Variants in AGFG1 observed in about 807,000 individuals in gnomAD.
AGFG1 encodes the protein arf-GAP domain and FG repeat-containing protein 1.
A neutral mutation model predicts 60.6 loss-of-function variants in AGFG1; 10 were observed. The observed-to-expected ratio is 0.16, with a 90% CI of 0.10 to 0.28. The LOEUF (loss-of-function observed/expected upper bound fraction) is 0.28, where lower values mean the gene tolerates loss of function less well. Ranked by LOEUF, AGFG1 falls within the 10% of genes least tolerant of loss-of-function variation. AGFG1 has a pLI of 1.00. For synonymous variants in AGFG1, 247 were observed against 242.9 expected (o/e 1.02, Z -0.16); for missense variants, 537 against 676.5 (o/e 0.79, Z 2.29).
Position 227,559,585 on chromosome 2 carries a change from T to A in AGFG1, c.*5090T>A, listed in dbSNP as rs1436421039. 2 of 152,168 alleles carry A rather than the reference T, an allele frequency of 1.3e-5. No individual in the cohort carries two copies. The highest frequency in any genetic ancestry group is 2.9e-5 in the Non-Finnish European group (2 of 67,998). 9.4% of individuals were successfully genotyped at this position (152,168 alleles called of 1,614,324 possible). On this transcript the variant is annotated 3_prime_UTR_variant, in exon 13 of 13. Coordinates refer to ENST00000310078, the MANE Select transcript of AGFG1 (RefSeq NM_004504.5). ...TGATTTGAGCTTTTATAAAAAAAGA[T>A]AAGTGATCCTAGATAAAATATTTTA... is the stretch of plus-strand genomic sequence containing the variant.
intron 2 of AGFG1, among the ~76,000 whole-genome samples, chr2:227,506,190 T>C (rs535749708): frequency 6.6e-6 from 1 of 152,344 alleles, no homozygotes; most frequent in East Asian, 1.9e-4. Context: ...ATGTAGTGCC[T>C]CTGGATTCTG....
Position 227,523,791 on chromosome 2 carries a change from G to T in AGFG1, c.406G>T (p.Val136Leu). The T allele has an allele frequency of 6.2e-7, 1 of 1,613,254 alleles. No individual in the cohort carries two copies. Among genetic ancestry groups the T allele is most frequent in the Non-Finnish European group, 8.5e-7 (1 of 1,179,522 alleles). ...WYVPPEQAKV[V>L]ASVHASISGS... The stretch of plus-strand genomic sequence containing the variant: ...TGTCCCGCCAGAACAAGCCAAAGTC[G>T]TGGCATCAGTTCATGCATCTATTTC... The change falls in exon 4 of 13, where the codon GTG becomes TTG. Residue 136 changes from valine to leucine, a missense_variant. Val to Leu is a conservative substitution (Grantham distance 32, BLOSUM62 1). Coordinates refer to ENST00000310078, the MANE Select transcript of AGFG1 (RefSeq NM_004504.5).
chr2:227,533,424 C>A, intron 6 of AGFG1, 125 bp from the exon 7 acceptor site: 2 of 855,614 alleles, frequency 2.3e-6, no homozygotes, highest in Non-Finnish European at 3.6e-6. Flanking sequence ...CATTGCCAGT[C>A]ATTGATTTTA....
intron 1 of AGFG1, among the ~76,000 whole-genome samples, chr2:227,491,013 G>A (rs1477733770): frequency 2.0e-5 from 3 of 152,094 alleles, no homozygotes; most frequent in Middle Eastern, 3.4e-3. Context: ...ATTCTTACTT[G>A]AATTGATGGC....
chr2:227,489,576 G>T (rs936431063), intron 1 of AGFG1, among the ~76,000 whole-genome samples: 10 of 152,026 alleles, frequency 6.6e-5, no homozygotes, highest in African/African-American at 2.4e-4. Context: ...TTCTTGTTCA[G>T]CCTTTATTTC....
intron 10 of AGFG1, among the ~76,000 whole-genome samples, chr2:227,540,561 T>C (rs2106230334): frequency 6.6e-6 from 1 of 152,358 alleles, no homozygotes; most frequent in East Asian, 1.9e-4. Flanking sequence ...TTCCATGGTG[T>C]ATATGTACCA....
intron 2 of AGFG1, among the ~76,000 whole-genome samples, chr2:227,496,245 T>C (rs1690971895): frequency 6.6e-6 from 1 of 151,972 alleles, no homozygotes; most frequent in South Asian, 2.1e-4. Context: ...CAAAACAAAA[T>C]GATTGCTTTG....
intron 10 of AGFG1, among the ~76,000 whole-genome samples, chr2:227,538,890 G>A (rs1351858024): frequency 6.6e-6 from 1 of 152,024 alleles, no homozygotes; most frequent in Non-Finnish European, 1.5e-5. Flanking sequence ...AAATTTATTA[G>A]AAAGGTAAAA....
chr2:227,519,404 T>C (rs1691763152), intron 2 of AGFG1, among the ~76,000 whole-genome samples: 1 of 152,212 alleles, frequency 6.6e-6, no homozygotes, highest in Non-Finnish European at 1.5e-5. Context: ...TTCATTTCTC[T>C]TTTGGTTTTT....
intron 1 of AGFG1, among the ~76,000 whole-genome samples, chr2:227,477,193 G>A (rs770547108): frequency 2.0e-5 from 3 of 152,076 alleles, no homozygotes; most frequent in Non-Finnish European, 4.4e-5. Flanking sequence ...GAGCCACCTC[G>A]CCTGGCCTAG....
At chr2:227,545,688 T>A (rs569237495) in intron 10 of AGFG1, among the ~76,000 whole-genome samples, 1 of 152,350 alleles carries the variant, frequency 6.6e-6, no homozygotes, top group South Asian at 2.1e-4. Flanking sequence ...TACTCCTTTC[T>A]TTTTGTTACT....
At chr2:227,489,915 A>C (rs577475955) in intron 1 of AGFG1, among the ~76,000 whole-genome samples, 2 of 152,006 alleles carry the variant, frequency 1.3e-5, no homozygotes, top group African/African-American at 4.8e-5. Context: ...TCCTGGGTTC[A>C]AGCAATTTTC....
Position 227,552,011 on chromosome 2 carries a change from T to G in AGFG1, c.1431T>G (p.Pro477=), listed in dbSNP as rs769831153. 3 of 1,614,072 alleles carry G rather than the reference T, an allele frequency of 1.9e-6. No individual in the cohort carries two copies. The highest frequency in any genetic ancestry group is 2.5e-6 in the Non-Finnish European group (3 of 1,180,030). Reference sequence around the variant, plus strand: ...GCATGCCCACAGGATTCGGCACTCCTGCTCCCTACAGTCTTCCCACCAGCT... The same window carrying G: ...GCATGCCCACAGGATTCGGCACTCCGGCTCCCTACAGTCTTCCCACCAGCT... ...SMSMPTGFGT[P]APYSLPTSFS... Residue 477 remains proline, a synonymous_variant, in exon 11 of 13, where the codon CCT becomes CCG. Coordinates refer to ENST00000310078, the MANE Select transcript of AGFG1 (RefSeq NM_004504.5).
chr2:227,550,035 G>A, intron 10 of AGFG1: 1 of 436,240 alleles, frequency 2.3e-6, no homozygotes, highest in Admixed American at 2.8e-5. Context: ...AATTGACGTT[G>A]GTCTCTTTAT....
At chr2:227,515,839 A>C (rs1450653937) in intron 2 of AGFG1, among the ~76,000 whole-genome samples, 1 of 152,098 alleles carries the variant, frequency 6.6e-6, no homozygotes, top group Non-Finnish European at 1.5e-5. Context: ...TTTATACTCT[A>C]TCAGCAAATC....
At chr2:227,474,860 C>T (rs1179840880) in intron 1 of AGFG1, among the ~76,000 whole-genome samples, 4 of 152,194 alleles carry the variant, frequency 2.6e-5, no homozygotes. Context: ...GAATGTCACT[C>T]AATCTATTTG....
intron 5 of AGFG1, among the ~76,000 whole-genome samples, chr2:227,526,230 G>A (rs1175936079): frequency 6.6e-6 from 1 of 151,826 alleles, no homozygotes; most frequent in Non-Finnish European, 1.5e-5. Context: ...GTGGAGTCTC[G>A]CTCTCTCGCC....
chr2:227,532,491 A>C (rs1210230538), intron 6 of AGFG1, among the ~76,000 whole-genome samples: 2 of 152,176 alleles, frequency 1.3e-5, no homozygotes, highest in African/African-American at 4.8e-5. Context: ...ACAATATTTT[A>C]CATACAAACA....
chr2:227,495,068 T>C (rs1429282305), intron 2 of AGFG1, among the ~76,000 whole-genome samples: 1 of 152,160 alleles, frequency 6.6e-6, no homozygotes, highest in Non-Finnish European at 1.5e-5. Context: ...CTACAGTGTG[T>C]TTGGTGGAGG....
Sources: gnomAD v4.1 joint callset for allele counts (sites outside exome capture counted in the v4.1 genomes callset) on GRCh38, gnomAD v4.1.1 for gene constraint, MANE v1.5 for transcripts, NCBI Gene and HGNC (gene_info 2026-07-23, HGNC 2026-07-21) for gene names.